The following EPB41L4B variants were observed in gnomAD, a reference collection of about 807,000 sequenced individuals.
The protein encoded by EPB41L4B is erythrocyte membrane protein band 4.1 like 4B.
EPB41L4B carries 30 observed loss-of-function variants against 112.5 expected under a neutral mutation model. The observed-to-expected ratio is 0.27, with a 90% CI of 0.20 to 0.36. EPB41L4B has a LOEUF of 0.36. Among genes scored for constraint, EPB41L4B ranks in the 10% least tolerant of loss-of-function variants. EPB41L4B has a pLI of 1.00. For missense variants in EPB41L4B, 1,024 were observed against 1,133.3 expected (o/e 0.90, Z 1.38); for synonymous variants, 408 against 439.7 (o/e 0.93, Z 0.90).
chr9:109,243,715 T>C (rs764558202), intron 14 of EPB41L4B, 33 bp from the exon 15 acceptor site: 10 of 1,603,040 alleles, frequency 6.2e-6, no homozygotes, highest in African/African-American at 2.7e-5. Context: ...GATTATTTGA[T>C]GACCTTTTAA....
At chr9:109,249,060 A>C (rs1377744367) in intron 13 of EPB41L4B, among the ~76,000 whole-genome samples, 2 of 6,268 alleles carry the variant, frequency 3.2e-4, no homozygotes, top group African/African-American at 7.0e-4. Context: ...CTCCATCTCA[A>C]AAAAAAAAAA....
chr9:109,220,172 GTTATT>G (rs1833522909), intron 15 of EPB41L4B, among the ~76,000 whole-genome samples: 2 of 152,142 alleles, frequency 1.3e-5, no homozygotes, highest in African/African-American at 4.8e-5. Context: ...GAGGAGGTGT[GTTATT>G]TTGTCATTTG....
At chr9:109,293,717 A>C (rs13290984) in intron 1 of EPB41L4B, among the ~76,000 whole-genome samples, 127,070 of 143,590 alleles carry the variant, frequency 0.88, 56,273 homozygotes, top group Middle Eastern at 0.94. Context: ...AAAAAAAAAA[A>C]AAACATAAAC....
intron 2 of EPB41L4B, among the ~76,000 whole-genome samples, chr9:109,269,348 T>A (rs1439657481): frequency 6.6e-6 from 1 of 152,244 alleles, no homozygotes. Context: ...TGCTTCAGTC[T>A]TATCTGAGGA....
chr9:109,225,537 T>C (rs1446173573), intron 15 of EPB41L4B, among the ~76,000 whole-genome samples: 1 of 152,160 alleles, frequency 6.6e-6, no homozygotes, highest in Non-Finnish European at 1.5e-5. Context: ...TCATGAGACT[T>C]ATTCACTACC....
At chr9:109,294,089 G>T (rs963963346) in intron 1 of EPB41L4B, among the ~76,000 whole-genome samples, 1 of 150,854 alleles carries the variant, frequency 6.6e-6, no homozygotes, top group East Asian at 2.0e-4. Flanking sequence ...GGCAGATCAC[G>T]AGGTCAGGAG....
At chr9:109,193,679 G>C (rs1185223796) in intron 21 of EPB41L4B, among the ~76,000 whole-genome samples, 1 of 152,250 alleles carries the variant, frequency 6.6e-6, no homozygotes, top group East Asian at 1.9e-4. Context: ...ATCGTAGCTA[G>C]AGGTCTCTCA....
intron 2 of EPB41L4B, among the ~76,000 whole-genome samples, chr9:109,268,891 C>T (rs1452282007): frequency 3.4e-4 from 24 of 71,456 alleles, no homozygotes; most frequent in East Asian, 2.4e-3. Flanking sequence ...AGCGAAACTC[C>T]GTCTCAAAAA....
chr9:109,218,188 C>A (rs1174792116), intron 15 of EPB41L4B, among the ~76,000 whole-genome samples: 1 of 135,244 alleles, frequency 7.4e-6, no homozygotes, highest in African/African-American at 2.9e-5. Flanking sequence ...TACAGTGGCA[C>A]TATCTCAGCT....
At chr9:109,307,485 T>A (rs1289057308) in intron 1 of EPB41L4B, among the ~76,000 whole-genome samples, 1 of 152,198 alleles carries the variant, frequency 6.6e-6, no homozygotes, top group Non-Finnish European at 1.5e-5. Context: ...CTGGGCCAGT[T>A]CCAAGCCAGC....
At chr9:109,241,008 A>G in intron 15 of EPB41L4B, 7 of 985,318 alleles carry the variant, frequency 7.1e-6, no homozygotes, top group Non-Finnish European at 8.4e-6. Context: ...CTGTATCTAT[A>G]TAACATCTAA....
chr9:109,230,624 T>A (rs935191899), intron 15 of EPB41L4B, among the ~76,000 whole-genome samples: 2 of 152,228 alleles, frequency 1.3e-5, no homozygotes, highest in Admixed American at 6.5e-5. Context: ...CATTGTTACA[T>A]GTTCTTATTG....
chr9:109,190,336 G>C (rs1451481985), intron 22 of EPB41L4B, among the ~76,000 whole-genome samples: 1 of 152,200 alleles, frequency 6.6e-6, no homozygotes, highest in Non-Finnish European at 1.5e-5. Flanking sequence ...AGTAGCACAT[G>C]GGAAGTTCTG....
intron 1 of EPB41L4B, among the ~76,000 whole-genome samples, chr9:109,313,733 G>A (rs1280439600): frequency 1.3e-5 from 2 of 152,160 alleles, no homozygotes; most frequent in African/African-American, 2.4e-5. Context: ...CCCCAGCTAA[G>A]AGTCCCAGGA....
chr9:109,245,638 A>G (rs1005439938), intron 14 of EPB41L4B, among the ~76,000 whole-genome samples: 1 of 152,222 alleles, frequency 6.6e-6, no homozygotes, highest in Non-Finnish European at 1.5e-5. Context: ...GAGAACACAG[A>G]GATCCATCCT....
chr9:109,235,129 T>C (rs552779182), intron 15 of EPB41L4B, among the ~76,000 whole-genome samples: 2 of 152,330 alleles, frequency 1.3e-5, no homozygotes, highest in East Asian at 1.9e-4. Flanking sequence ...TGGGAAAGCA[T>C]TGTCCACATT....
intron 13 of EPB41L4B, among the ~76,000 whole-genome samples, chr9:109,249,312 C>T (rs1285396903): frequency 6.6e-6 from 1 of 151,820 alleles, no homozygotes; most frequent in Non-Finnish European, 1.5e-5. Flanking sequence ...GTAAGTTAAG[C>T]GTTCCGCAAG....
intron 15 of EPB41L4B, among the ~76,000 whole-genome samples, chr9:109,230,532 A>T (rs1156308535): frequency 6.6e-6 from 1 of 152,206 alleles, no homozygotes; most frequent in African/African-American, 2.4e-5. Context: ...AGATGAGAGA[A>T]AGTACAATTT....
At chr9:109,314,454 T>G (rs1243624478) in intron 1 of EPB41L4B, among the ~76,000 whole-genome samples, 1 of 152,182 alleles carries the variant, frequency 6.6e-6, no homozygotes, top group Non-Finnish European at 1.5e-5. Context: ...TTCAGAGCCC[T>G]GTACCAGTGT....
Sources: allele counts gnomAD v4.1 joint callset (sites outside exome capture counted in the v4.1 genomes callset), GRCh38; gene constraint gnomAD v4.1.1; transcripts MANE v1.5; gene names NCBI Gene and HGNC (gene_info 2026-07-23, HGNC 2026-07-21).